CSMD3: variants seen among roughly 807,000 people sequenced by gnomAD.
CSMD3 encodes the protein CUB and sushi domain-containing protein 3.
A neutral mutation model predicts 435.2 loss-of-function variants in CSMD3; 177 were observed. The ratio of observed to expected loss-of-function variants is 0.41; its 90% CI spans 0.36 to 0.46. The LOEUF (loss-of-function observed/expected upper bound fraction) is 0.46. CSMD3 is among the 20% of genes least tolerant of loss of function. CSMD3 has a pLI of 0.34. For missense variants in CSMD3, 4,265 were observed against 4,504.6 expected (o/e 0.95, Z 1.52); for synonymous variants, 1,656 against 1,520.5 (o/e 1.09, Z -2.07).
chr8:113,065,441 C>T (rs2088810456), intron 5 of CSMD3, among the ~76,000 whole-genome samples: 2 of 152,116 alleles, frequency 1.3e-5, no homozygotes, highest in Middle Eastern at 6.8e-3. Flanking sequence ...GGATGGAGTG[C>T]AGTGGCGCGA....
At chr8:112,642,683 A>T (rs73702363) in intron 20 of CSMD3, among the ~76,000 whole-genome samples, 2,289 of 152,140 alleles carry the variant, frequency 0.015, 53 homozygotes, top group African/African-American at 0.053. Flanking sequence ...CAATATGATA[A>T]AGCATAACAG....
At chr8:112,747,183 CTTTTTTTTTTTT>C (rs71309787) in intron 13 of CSMD3, among the ~76,000 whole-genome samples, 19 of 26,946 alleles carry the variant, frequency 7.1e-4, no homozygotes, top group East Asian at 2.0e-3. Context: ...GCACACTTCC[CTTTTTTTTTTTT>C]TTTTTTTTTT....
At chr8:112,913,343 T>TGAC (rs1039817003) in intron 10 of CSMD3, among the ~76,000 whole-genome samples, 3 of 151,846 alleles carry the variant, frequency 2.0e-5, no homozygotes, top group African/African-American at 7.3e-5. Context: ...CACGCTCCTA[T>TGAC]GACAATCTAA....
intron 1 of CSMD3, among the ~76,000 whole-genome samples, chr8:113,372,419 A>G (rs1444876444): frequency 2.0e-5 from 3 of 152,288 alleles, no homozygotes; most frequent in Admixed American, 6.5e-5. Flanking sequence ...TTCTACATAC[A>G]TAAGATGAGA....
At chr8:112,357,065 C>T (rs540551376) in intron 38 of CSMD3, among the ~76,000 whole-genome samples, 22 of 152,162 alleles carry the variant, frequency 1.4e-4, no homozygotes, top group African/African-American at 5.1e-4. Flanking sequence ...CAGAAGAAGA[C>T]AGGAAAAGAT....
At chr8:112,897,489 CT>C (rs560618231) in intron 10 of CSMD3, among the ~76,000 whole-genome samples, 118 of 151,260 alleles carry the variant, frequency 7.8e-4, no homozygotes, top group Non-Finnish European at 1.4e-3. Context: ...TGTTCCTGCC[CT>C]ATTGATTACA....
At chr8:113,245,391 T>TA in intron 3 of CSMD3, among the ~76,000 whole-genome samples, 1 of 152,160 alleles carries the variant, frequency 6.6e-6, no homozygotes, top group Non-Finnish European at 1.5e-5. Context: ...TATATCATTT[T>TA]AATTTCTTTT....
chr8:113,132,705 G>A (rs892717644), intron 4 of CSMD3, among the ~76,000 whole-genome samples: 1 of 151,936 alleles, frequency 6.6e-6, no homozygotes, highest in Non-Finnish European at 1.5e-5. Flanking sequence ...CTTTCCCAAA[G>A]AATAAAAATA....
At position 112,634,964 on chromosome 8, in the gene CSMD3, G is replaced by A. The variant is rs1586852012; in HGVS notation, c.3715+1853C>T. 2.6e-5 allele frequency among the ~76,000 whole-genome samples: 4 copies of A among 151,960 alleles called. No homozygotes were observed. In the South Asian group the frequency reaches 8.3e-4, roughly 31 times the overall value. ...TGGGCAAGTTATTTAGCATCTCTAA[G>A]CCTCAGGCTTCTTCTAATGAAAAAT... On this transcript the variant is annotated intron_variant, in intron 22 of 70. Coordinates refer to ENST00000297405, the MANE Select transcript of CSMD3 (RefSeq NM_198123.2).
At chr8:112,309,773 CTTTTATGAATTATAAAT>C (rs1821790252) in intron 50 of CSMD3, among the ~76,000 whole-genome samples, 1 of 152,000 alleles carries the variant, frequency 6.6e-6, no homozygotes, top group Non-Finnish European at 1.5e-5. Context: ...GAAAGCTATC[CTTTTATGAATTATAAAT>C]TGCACTCTAA....
chr8:113,326,869 T>C (rs1391889262), intron 1 of CSMD3, among the ~76,000 whole-genome samples: 1 of 152,118 alleles, frequency 6.6e-6, no homozygotes, highest in Non-Finnish European at 1.5e-5. Context: ...GTCAATTTAG[T>C]CTTATATATT....
At chr8:112,326,669 C>T (rs554476873) in intron 45 of CSMD3, among the ~76,000 whole-genome samples, 5 of 152,294 alleles carry the variant, frequency 3.3e-5, no homozygotes, top group Non-Finnish European at 5.9e-5. Flanking sequence ...AAAGCACCCA[C>T]GTGACTTCCC....
chr8:112,662,978 C>T (rs111853551), intron 17 of CSMD3, among the ~76,000 whole-genome samples: 1 of 152,032 alleles, frequency 6.6e-6, no homozygotes, highest in Non-Finnish European at 1.5e-5. Context: ...CAACGAGATA[C>T]CATCTCACAC....
At chr8:113,301,055 GATGTTCATGTATGATTCATAC>G (rs376228618) in intron 2 of CSMD3, among the ~76,000 whole-genome samples, 1,843 of 152,146 alleles carry the variant, frequency 0.012, 21 homozygotes, top group African/African-American at 0.028. Flanking sequence ...GTTGCTTAGG[GATGTTCATGTATGATTCATAC>G]ATGTTCATGT....
intron 27 of CSMD3, among the ~76,000 whole-genome samples, chr8:112,537,744 C>T (rs1050577068): frequency 6.6e-6 from 1 of 151,616 alleles, no homozygotes; most frequent in Admixed American, 6.6e-5. Flanking sequence ...AAAAAAGTCC[C>T]CCATCAATAA....
rs73346059 is a variant in CSMD3, at chr8:112,917,579, C to T, written c.1633+4048G>A. On this transcript the variant is annotated intron_variant, in intron 10 of 70. Transcript: ENST00000297405. ...AAGAGTTAACAATCGGCAACATCAG[C>T]AACTGCTGCAGCAACACCACACCCA... 2.9e-3 allele frequency among the ~76,000 whole-genome samples: 441 copies of T among 152,008 alleles called. 1 individual carries two copies. Among genetic ancestry groups the T allele is most frequent in the African/African-American group, 9.8e-3 (407 of 41,528 alleles).
At chr8:113,059,105 T>C (rs1197430982) in intron 5 of CSMD3, among the ~76,000 whole-genome samples, 3 of 152,110 alleles carry the variant, frequency 2.0e-5, no homozygotes, top group Admixed American at 6.6e-5. Context: ...CCAAAGACAT[T>C]TGTGATGGTT....
intron 3 of CSMD3, among the ~76,000 whole-genome samples, chr8:113,174,467 G>A (rs1319133940): frequency 6.6e-6 from 1 of 151,994 alleles, no homozygotes. Context: ...AACCTTGAGT[G>A]TATACTACGA....
rs753383036 is a variant in CSMD3 at position 112,305,990 on chromosome 8, T to C, written c.8071+17A>G. 2 of 1,605,590 alleles carry C rather than the reference T, an allele frequency of 1.2e-6. No individual in the cohort carries two copies. The highest frequency in any genetic ancestry group is 3.3e-5 in the Admixed American group (2 of 59,988). On this transcript the variant is annotated intron_variant, in intron 51 of 70. Transcript: ENST00000297405. ...CCAAGAGAAAAACAAGTGATGAAATTCCCTTGACACACATACCAACACAGC... is the reference window on the plus strand; with the variant it reads ...CCAAGAGAAAAACAAGTGATGAAATCCCCTTGACACACATACCAACACAGC...
Sources: gnomAD v4.1 joint callset for allele counts (sites outside exome capture counted in the v4.1 genomes callset) on GRCh38, gnomAD v4.1.1 for gene constraint, MANE v1.5 for transcripts, NCBI Gene and HGNC (gene_info 2026-07-23, HGNC 2026-07-21) for gene names.